The following TEKT1 variants were observed in gnomAD, a reference collection of about 807,000 sequenced individuals.
TEKT1 encodes tektin 1.
In TEKT1, 32 loss-of-function variants were observed where a neutral mutation model predicts 34.8. The ratio of observed to expected loss-of-function variants is 0.92; its 90% CI spans 0.69 to 1.23. The LOEUF (loss-of-function observed/expected upper bound fraction) is 1.23. Ranked by LOEUF, TEKT1 falls within the 50% of genes most tolerant of loss-of-function variation. TEKT1 has a pLI of 0.00. For synonymous variants in TEKT1, 207 were observed against 199.8 expected, an observed-to-expected ratio of 1.04 and a Z score of -0.30; for missense variants, 492 against 518.5, an observed-to-expected ratio of 0.95 and a Z score of 0.50.
At chr17:6,829,799 A>G (rs376835985) in intron 2 of TEKT1, among the ~76,000 whole-genome samples, 15 of 151,966 alleles carry the variant, frequency 9.9e-5, no homozygotes, top group African/African-American at 3.6e-4. Flanking sequence ...TGGACCTACA[A>G]CTGGCTGAAC....
At chr17:6,818,445 A>C (rs999130175) in intron 3 of TEKT1, among the ~76,000 whole-genome samples, 2 of 148,612 alleles carry the variant, frequency 1.3e-5, no homozygotes, top group African/African-American at 5.1e-5. Context: ...GAGGGAAATA[A>C]TAATAAAAAG....
chr17:6,827,966 A>T (rs113497136), intron 2 of TEKT1, among the ~76,000 whole-genome samples: 3,496 of 134,938 alleles, frequency 0.026, 86 homozygotes, highest in Non-Finnish European at 0.037. Flanking sequence ...TTGTTTTGAG[A>T]CAGAGTCTCA....
intron 5 of TEKT1, among the ~76,000 whole-genome samples, chr17:6,814,307 A>G (rs1419526510): frequency 6.6e-6 from 1 of 152,234 alleles, no homozygotes; most frequent in Non-Finnish European, 1.5e-5. Flanking sequence ...GAATGCTTCA[A>G]ACTTGTGCAC....
At chr17:6,823,053 A>G (rs9894204) in intron 2 of TEKT1, among the ~76,000 whole-genome samples, 9,377 of 152,284 alleles carry the variant, frequency 0.062, 826 homozygotes, top group African/African-American at 0.19. Flanking sequence ...CCTGGCTACC[A>G]GTGTCTTAGG....
intron 2 of TEKT1, among the ~76,000 whole-genome samples, chr17:6,827,149 CT>C (rs1904431552): frequency 6.6e-6 from 1 of 152,010 alleles, no homozygotes; most frequent in Non-Finnish European, 1.5e-5. Flanking sequence ...GTCAACAGGT[CT>C]ATCCTCACTT....
rs1314412872 is a variant in TEKT1 at position 6,801,086 on chromosome 17, C to T, written c.853-143G>A. On this transcript the variant is annotated intron_variant, in intron 6 of 7. Transcript: ENST00000338694. ...AGCAGCATGCCAGAGTCTGATCTCT[C>T]TTCCCTAAAGCAGTGATTGCTGGTG... 5 of 811,352 alleles carry T rather than the reference C, an allele frequency of 6.2e-6. No individual in the cohort carries two copies. In the South Asian group the frequency reaches 9.0e-5, roughly 15 times the overall value. The allele number at this position is 811,352 out of a possible 1,614,324, so 50.3% of individuals were successfully genotyped here.
rs1410517590 is a variant in TEKT1, at chr17:6,811,267, T to C, written c.852+1564A>G. On this transcript the variant is annotated intron_variant, in intron 6 of 7. Transcript: ENST00000338694. The surrounding 1 kb of genome is among the most constrained non-coding windows in gnomAD (Gnocchi z 4.4). ...CATCATCAATCAACTATTTTTATTA[T>C]TTATATGTATGATATTATATGTTAA... 6.6e-6 allele frequency among the ~76,000 whole-genome samples: 1 copy of C among 151,932 alleles called. No individual in the cohort carries two copies. The highest frequency in any genetic ancestry group is 2.4e-5 in the African/African-American group (1 of 41,326).
At chr17:6,800,603 G>A in intron 7 of TEKT1, 144 bp downstream of exon 7, 2 of 1,035,672 alleles carry the variant, frequency 1.9e-6, no homozygotes, top group Non-Finnish European at 2.7e-6. Flanking sequence ...GGGAGGTGGT[G>A]GAGACTTCCC....
In TEKT1 at chr17:6,798,890, C is replaced by T. The variant is rs1202678549; in HGVS notation, c.*1137G>A. ...GGTCCTAAAGAAGGAGAGAAACTTT[C>T]CTGGCAGTGTTGCAACTAGAAGCTA... On this transcript the variant is annotated 3_prime_UTR_variant, in exon 8 of 8. Coordinates refer to ENST00000338694, the MANE Select transcript of TEKT1 (RefSeq NM_053285.2). 3 of 152,240 alleles carry T rather than the reference C, an allele frequency of 2.0e-5. No homozygotes were observed. The highest frequency in any genetic ancestry group is 4.4e-5 in the Non-Finnish European group (3 of 68,086). 9.4% of individuals were successfully genotyped at this position (152,240 alleles called of 1,614,324 possible).
chr17:6,819,931 G>A (rs1009188132), intron 2 of TEKT1, among the ~76,000 whole-genome samples: 7 of 152,074 alleles, frequency 4.6e-5, no homozygotes, highest in Non-Finnish European at 8.8e-5. Flanking sequence ...CTCGTGATCC[G>A]CCTGCCTCGG....
At chr17:6,806,918 A>G (rs572105117) in intron 6 of TEKT1, among the ~76,000 whole-genome samples, 167 of 152,086 alleles carry the variant, frequency 1.1e-3, no homozygotes, top group African/African-American at 3.8e-3. Flanking sequence ...CTTCATTTCA[A>G]CTTTGGTGAA....
intron 6 of TEKT1, among the ~76,000 whole-genome samples, chr17:6,807,880 TG>T (rs1354517032): frequency 6.6e-6 from 1 of 152,148 alleles, no homozygotes; most frequent in African/African-American, 2.4e-5. Context: ...CTGCCCCTAC[TG>T]GGGGGTGCCT....
intron 5 of TEKT1, chr17:6,814,905 A>C (rs774697056): frequency 1.0e-5 from 4 of 390,514 alleles, no homozygotes; most frequent in Non-Finnish European, 1.8e-5. Context: ...CTTGTTAAAA[A>C]CATGTATAGA....
intron 7 of TEKT1, among the ~76,000 whole-genome samples, 190 bp from the exon 8 acceptor site, chr17:6,800,424 AG>A (rs145912058): frequency 0.087 from 13,225 of 152,142 alleles, 661 homozygotes; most frequent in Middle Eastern, 0.19. Flanking sequence ...CATGAAAAAA[AG>A]AAAAAGACAG....
rs139532367 is a variant in TEKT1 at position 6,800,852 on chromosome 17, G to C, written c.944C>G (p.Thr315Arg). 1.7e-5 allele frequency: 27 copies of C among 1,614,006 alleles called. No individual in the cohort carries two copies. The highest frequency in any genetic ancestry group is 4.0e-5 in the African/African-American group (3 of 74,898). ...CCGGTGTGTCCTGGTCTCCAAGCGC[G>C]TATGAGCCACCTTGGCTGGCCCTTC... Reference protein sequence around the residue: ...DQEGPAKVAHTRLETRTHRPN... With the variant: ...DQEGPAKVAHRRLETRTHRPN... Residue 315 changes from threonine (T) to arginine (R), a missense_variant, in exon 7 of 8, where the codon ACG becomes AGG. Transcript: ENST00000338694.
chr17:6,825,194 A>C (rs1328900491), intron 2 of TEKT1, among the ~76,000 whole-genome samples: 2 of 152,238 alleles, frequency 1.3e-5, no homozygotes, highest in East Asian at 3.8e-4. Flanking sequence ...GTAACTGGAC[A>C]CATCCAGTTT....
chr17:6,819,255 C>T lies in TEKT1; in HGVS notation c.294G>A (p.Leu98=), dbSNP rs1376144928. The part of the protein sequence containing the change: ...TDDLLIYKIR[L]EKALETLKEP... The stretch of plus-strand genomic sequence containing the variant: ...CTTTCAAGGTCTCCAGGGCTTTTTC[C>T]AATCTGATCTTATATATGAGTAGAT... Residue 98 remains leucine (L), a synonymous_variant, in exon 3 of 8, where the codon TTG becomes TTA. Transcript: ENST00000338694. 2 of 1,614,042 alleles carry T rather than the reference C, an allele frequency of 1.2e-6. No homozygotes were observed. Among genetic ancestry groups the T allele is most frequent in the East Asian group, 2.2e-5 (1 of 44,890 alleles).
intron 6 of TEKT1, among the ~76,000 whole-genome samples, chr17:6,812,204 C>T (rs370379706): frequency 3.3e-4 from 50 of 152,238 alleles, no homozygotes; most frequent in African/African-American, 7.9e-4. Context: ...CCTTCTGCCA[C>T]GACTGTAAGT....
At chr17:6,810,006 A>G (rs1166015067) in intron 6 of TEKT1, among the ~76,000 whole-genome samples, 1 of 152,240 alleles carries the variant, frequency 6.6e-6, no homozygotes, top group African/African-American at 2.4e-5. Flanking sequence ...GCAAATACCA[A>G]GGAAGGAGAT....
Sources: gnomAD v4.1 joint callset for allele counts (sites outside exome capture counted in the v4.1 genomes callset) on GRCh38, gnomAD v4.1.1 for gene constraint, Gnocchi (gnomAD v3.1) non-coding constraint, MANE v1.5 for transcripts, NCBI Gene and HGNC (gene_info 2026-07-23, HGNC 2026-07-21) for gene names.